The following TAF1A variants were observed in gnomAD, a reference collection of about 807,000 sequenced individuals.
TAF1A encodes the protein TATA box-binding protein-associated factor RNA polymerase I subunit A.
A neutral mutation model predicts 61.6 loss-of-function variants in TAF1A; 42 were observed. The ratio of observed to expected loss-of-function variants is 0.68; its 90% confidence interval spans 0.53 to 0.88. TAF1A has a LOEUF of 0.88. Among genes scored for constraint, TAF1A ranks in the 40% least tolerant of loss-of-function variants. The pLI is 0.00. For missense variants in TAF1A, 424 were observed against 518.7 expected (o/e 0.82, Z 1.77); for synonymous variants, 179 against 177.7 (o/e 1.01, Z -0.06).
intron 5 of TAF1A, among the ~76,000 whole-genome samples, chr1:222,572,653 C>A (rs1054083631): frequency 6.6e-6 from 1 of 152,182 alleles, no homozygotes; most frequent in South Asian, 2.1e-4. Context: ...GCCACTGCTC[C>A]CGGCTGCTAA....
At chr1:222,581,266 C>T (rs1356365784) in intron 3 of TAF1A, among the ~76,000 whole-genome samples, 1 of 152,122 alleles carries the variant, frequency 6.6e-6, no homozygotes, top group Non-Finnish European at 1.5e-5. Flanking sequence ...ATCTGGACAA[C>T]AAGAGGCTGT....
rs1206076907 is a variant in TAF1A, at chr1:222,577,553, C to T, written c.496G>A (p.Gly166Ser). The change falls in exon 5 of 11, where the codon GGT becomes AGT. Residue 166 changes from glycine (G) to serine (S), a missense_variant. By Grantham distance (56) the Gly-to-Ser change is moderately conservative (BLOSUM62 0). Coordinates refer to ENST00000352967, the MANE Select transcript of TAF1A (RefSeq NM_005681.4). ...ATTTCCCGGGAAGACGTATTTTCACCATGTCTCCATGTCTCTGCCTCACTC... is the reference window on the plus strand; with the variant it reads ...ATTTCCCGGGAAGACGTATTTTCACTATGTCTCCATGTCTCTGCCTCACTC... ...NLSEAETWRH[G>S]ENTSSREILI... 1 of 1,613,932 alleles carries T rather than the reference C, an allele frequency of 6.2e-7. No homozygotes were observed. The highest frequency in any genetic ancestry group is 2.2e-5 in the East Asian group (1 of 44,846).
At chr1:222,570,820 C>A (rs190222296) in intron 5 of TAF1A, among the ~76,000 whole-genome samples, 155 bp from the exon 6 acceptor site, 2 of 152,158 alleles carry the variant, frequency 1.3e-5, no homozygotes, top group Admixed American at 1.3e-4. Context: ...TAATTCTTCA[C>A]AAATTCTCCC....
chr1:222,588,377 T>C (rs1661107934), intron 2 of TAF1A, 66 bp downstream of exon 2: 4 of 1,548,292 alleles, frequency 2.6e-6, no homozygotes, highest in African/African-American at 2.8e-5. Context: ...TTATTCATTT[T>C]GTATCCCTAT....
In TAF1A at chr1:222,564,105, T is replaced by C; in HGVS notation, c.915A>G (p.Pro305=). ...GGAATTCCAACATCAATTTATGAGA[T>C]GGTACAATCTGATACAAAATCTGAA... ...SVLKILYQIV[P]SHKLMLEFHT... is the part of the protein sequence containing the mutation. The change falls in exon 8 of 11, where the codon CCA becomes CCG. Residue 305 remains proline (P), a synonymous_variant. Transcript: ENST00000352967. 1 of 1,555,586 alleles carries C rather than the reference T, an allele frequency of 6.4e-7. No individual in the cohort carries two copies.
At chr1:222,584,747 G>T (rs1447190815) in intron 2 of TAF1A, among the ~76,000 whole-genome samples, 1 of 152,158 alleles carries the variant, frequency 6.6e-6, no homozygotes, top group Non-Finnish European at 1.5e-5. Flanking sequence ...GTAACTCAAT[G>T]ATATTATATA....
intron 2 of TAF1A, 109 bp downstream of exon 2, chr1:222,588,334 C>A: frequency 7.3e-7 from 1 of 1,362,982 alleles, no homozygotes; most frequent in Non-Finnish European, 9.9e-7. Flanking sequence ...AAAAACCCTC[C>A]ACATATTCCT....
chr1:222,568,529 G>A (rs943910354), intron 7 of TAF1A, among the ~76,000 whole-genome samples: 3 of 152,172 alleles, frequency 2.0e-5, no homozygotes, highest in African/African-American at 7.2e-5. Context: ...AACATCACTA[G>A]TCATTAGGGA....
intron 1 of TAF1A, 43 bp from the exon 2 acceptor site, chr1:222,588,608 T>C (rs1661122056): frequency 6.3e-7 from 1 of 1,596,350 alleles, no homozygotes; most frequent in Non-Finnish European, 8.5e-7. Flanking sequence ...TACATCTTAA[T>C]CCACAGTCTT....
chr1:222,555,179 GC>G (rs539915672), downstream of TAF1A, among the ~76,000 whole-genome samples: 47 of 152,302 alleles, frequency 3.1e-4, no homozygotes, highest in South Asian at 9.3e-3. Context: ...GCGCTTGTAT[GC>G]TGCTGTTGGG....
chr1:222,564,945 T>G (rs1261905313), intron 7 of TAF1A, among the ~76,000 whole-genome samples: 6 of 152,240 alleles, frequency 3.9e-5, no homozygotes, highest in African/African-American at 7.2e-5. Context: ...ATTTGTCTCA[T>G]GATTTTATAG....
downstream of TAF1A, among the ~76,000 whole-genome samples, chr1:222,554,278 CGG>C (rs369644645): frequency 1.3e-5 from 2 of 152,136 alleles, no homozygotes; most frequent in African/African-American, 4.8e-5. Context: ...ATGGGACTGA[CGG>C]GCGGAAACAA....
intron 2 of TAF1A, among the ~76,000 whole-genome samples, chr1:222,585,007 A>G (rs544032907): frequency 2.8e-4 from 43 of 152,198 alleles, no homozygotes; most frequent in Non-Finnish European, 5.3e-4. Flanking sequence ...ACTTGCAGAT[A>G]TTTGATTTCC....
chr1:222,572,542 G>A (rs1200922021), intron 5 of TAF1A, among the ~76,000 whole-genome samples: 1 of 152,124 alleles, frequency 6.6e-6, no homozygotes, highest in Non-Finnish European at 1.5e-5. Context: ...ATTTTTTGTA[G>A]AGATGCAGTT....
intron 7 of TAF1A, among the ~76,000 whole-genome samples, chr1:222,566,406 A>G (rs1197090313): frequency 6.6e-6 from 1 of 152,176 alleles, no homozygotes; most frequent in African/African-American, 2.4e-5. Flanking sequence ...TTATTTATGC[A>G]CTTTACATTT....
intron 5 of TAF1A, among the ~76,000 whole-genome samples, chr1:222,573,249 G>A (rs931678454): frequency 2.0e-5 from 3 of 152,156 alleles, no homozygotes; most frequent in African/African-American, 7.2e-5. Context: ...CTGCCTCGGT[G>A]ACAGAGTGAG....
At chr1:222,582,605 G>A (rs1480870348) in intron 3 of TAF1A, among the ~76,000 whole-genome samples, 3 of 152,114 alleles carry the variant, frequency 2.0e-5, no homozygotes, top group Non-Finnish European at 4.4e-5. Flanking sequence ...GTAGACCCAG[G>A]AGAAATTAAA....
rs76600326 is a variant in TAF1A, at chr1:222,574,472, C to T, written c.604+2973G>A. ...GTACCAAAGTTAAAGACGCACAAAACATATTCTATGACAATTCTACTCCTA... is the reference window on the plus strand; with the variant it reads ...GTACCAAAGTTAAAGACGCACAAAATATATTCTATGACAATTCTACTCCTA... On this transcript the variant is annotated intron_variant, in intron 5 of 10. Coordinates refer to ENST00000352967, the MANE Select transcript of TAF1A (RefSeq NM_005681.4). Among the ~76,000 whole-genome samples the T allele has an allele frequency of 5.7e-3, 873 of 152,202 alleles. 16 individuals are homozygous for T. The highest frequency in any genetic ancestry group is 0.019 in the African/African-American group (797 of 41,542).
chr1:222,557,121 G>A (rs1332654559), downstream of TAF1A, among the ~76,000 whole-genome samples: 1 of 152,140 alleles, frequency 6.6e-6, no homozygotes, highest in South Asian at 2.1e-4. Context: ...AGAATTAGTA[G>A]GACTATAAGC....
Sources: gnomAD v4.1 joint callset for allele counts (sites outside exome capture counted in the v4.1 genomes callset) on GRCh38, gnomAD v4.1.1 for gene constraint, MANE v1.5 for transcripts, NCBI Gene and HGNC (gene_info 2026-07-23, HGNC 2026-07-21) for gene names.